RANBP17: variants seen among roughly 807,000 people sequenced by gnomAD.
RANBP17 encodes ran-binding protein 17.
In RANBP17, 158 loss-of-function variants were observed where a neutral mutation model predicts 141.2. That is an observed-to-expected ratio of 1.12 (90% CI 0.98 to 1.28). The LOEUF (loss-of-function observed/expected upper bound fraction) is 1.28. Ranked by LOEUF, RANBP17 falls within the 50% of genes most tolerant of loss-of-function variation. The pLI, the probability that RANBP17 is intolerant of heterozygous loss-of-function variation, is 0.00. For missense variants in RANBP17, 1,438 were observed against 1,290.7 expected, an observed-to-expected ratio of 1.11 and a Z score of -1.75; for synonymous variants, 430 against 450.0, an observed-to-expected ratio of 0.96 and a Z score of 0.56.
At chr5:171,233,210 G>A (rs990908041) in intron 22 of RANBP17, among the ~76,000 whole-genome samples, 9 of 152,042 alleles carry the variant, frequency 5.9e-5, no homozygotes, top group African/African-American at 2.2e-4. Flanking sequence ...GGTAATAAGT[G>A]CTATTAAAAA....
chr5:171,090,395 A>G (rs1483395587), intron 14 of RANBP17, among the ~76,000 whole-genome samples: 1 of 152,248 alleles, frequency 6.6e-6, no homozygotes, highest in African/African-American at 2.4e-5. Context: ...ATTTCTAAAC[A>G]GCAAAGCATT....
chr5:171,050,721 T>A (rs1448127378), intron 14 of RANBP17, among the ~76,000 whole-genome samples: 1 of 152,090 alleles, frequency 6.6e-6, no homozygotes, highest in Non-Finnish European at 1.5e-5. Context: ...GTAATATTGT[T>A]ACATTTATTT....
chr5:171,083,292 G>A lies in RANBP17; in HGVS notation c.1711-86838G>A, dbSNP rs185158612. The stretch of plus-strand genomic sequence containing the variant: ...AGTGGAACCTTCATGAAAGACATAA[G>A]TGCCCTTATAAAAAGATGCCAAAAA... On this transcript the variant is annotated intron_variant, in intron 14 of 27. Coordinates refer to ENST00000523189, the MANE Select transcript of RANBP17 (RefSeq NM_022897.5). 4.3e-4 allele frequency among the ~76,000 whole-genome samples: 65 copies of A among 152,108 alleles called. 1 individual carries two copies. Among genetic ancestry groups the A allele is most frequent in the South Asian group, 3.7e-3 (18 of 4,816 alleles).
intron 5 of RANBP17, among the ~76,000 whole-genome samples, chr5:170,906,228 T>G (rs1771066689): frequency 6.6e-6 from 1 of 152,096 alleles, no homozygotes; most frequent in African/African-American, 2.4e-5. Context: ...AGAACCAGTT[T>G]AGGATTATAT....
intron 14 of RANBP17, among the ~76,000 whole-genome samples, chr5:171,069,767 A>G (rs1221705204): frequency 1.3e-5 from 2 of 152,184 alleles, no homozygotes; most frequent in Non-Finnish European, 2.9e-5. Context: ...TTTTCAACTC[A>G]TGATGGGTTT....
chr5:171,092,204 T>G (rs1482008591), intron 14 of RANBP17, among the ~76,000 whole-genome samples: 2 of 152,196 alleles, frequency 1.3e-5, no homozygotes, highest in East Asian at 1.9e-4. Context: ...AAAATTTCCT[T>G]TCTGAGAATT....
intron 14 of RANBP17, among the ~76,000 whole-genome samples, chr5:171,095,074 T>C (rs1271236618): frequency 6.6e-6 from 1 of 152,212 alleles, no homozygotes; most frequent in Non-Finnish European, 1.5e-5. Flanking sequence ...ACCATATTCT[T>C]GGACTTGCCA....
chr5:171,021,617 A>C (rs1479062123), intron 14 of RANBP17, among the ~76,000 whole-genome samples: 1 of 152,184 alleles, frequency 6.6e-6, no homozygotes, highest in Non-Finnish European at 1.5e-5. Flanking sequence ...ATTCAGCTCC[A>C]TCAGGTCATT....
chr5:171,061,527 C>T (rs1419786264), intron 14 of RANBP17, among the ~76,000 whole-genome samples: 5 of 151,960 alleles, frequency 3.3e-5, no homozygotes, highest in Admixed American at 6.6e-5. Context: ...GTCTGAGAGA[C>T]AGTTTGTTAT....
At chr5:171,187,470 G>A (rs1040860874) in intron 18 of RANBP17, among the ~76,000 whole-genome samples, 4 of 151,560 alleles carry the variant, frequency 2.6e-5, no homozygotes, top group African/African-American at 7.3e-5. Context: ...TGGTATCTGT[G>A]AAGCACAATA....
intron 14 of RANBP17, among the ~76,000 whole-genome samples, chr5:171,090,788 G>A (rs186340900): frequency 2.2e-3 from 342 of 152,340 alleles, no homozygotes; most frequent in African/African-American, 7.5e-3. Flanking sequence ...TGTTGCTTCA[G>A]AGGGTGGAAG....
At chr5:171,225,086 A>T (rs950525339) in intron 22 of RANBP17, among the ~76,000 whole-genome samples, 5 of 152,036 alleles carry the variant, frequency 3.3e-5, no homozygotes, top group African/African-American at 1.2e-4. Flanking sequence ...CACAGAGGTT[A>T]AAAAAAATTG....
At chr5:170,864,315 A>G (rs571692979) in intron 1 of RANBP17, among the ~76,000 whole-genome samples, 25 of 152,138 alleles carry the variant, frequency 1.6e-4, no homozygotes, top group Non-Finnish European at 2.9e-4. Flanking sequence ...AGGTTAGGGT[A>G]GTGGTCAACA....
chr5:171,279,364 A>G (rs961638215), intron 25 of RANBP17, among the ~76,000 whole-genome samples: 14 of 152,180 alleles, frequency 9.2e-5, no homozygotes, highest in African/African-American at 3.4e-4. Flanking sequence ...AGTCTTGGAG[A>G]CTAGGAAACC....
intron 1 of RANBP17, chr5:170,863,554 G>A (rs1766995265): frequency 6.6e-6 from 1 of 152,156 alleles, no homozygotes; most frequent in Non-Finnish European, 1.5e-5. Context: ...TCAAAATAAT[G>A]TATTACCACT....
chr5:171,235,927 T>C (rs911994003), intron 22 of RANBP17, among the ~76,000 whole-genome samples: 3 of 152,228 alleles, frequency 2.0e-5, no homozygotes, highest in Admixed American at 2.0e-4. Context: ...GTCACCAAAT[T>C]GCCTTCTAGA....
chr5:170,932,126 C>T (rs912203328), intron 12 of RANBP17, among the ~76,000 whole-genome samples: 3 of 152,230 alleles, frequency 2.0e-5, no homozygotes, highest in African/African-American at 7.2e-5. Context: ...CCTTCACTTC[C>T]CTTGTAAGTT....
chr5:171,184,499 C>A (rs751455142), intron 18 of RANBP17, among the ~76,000 whole-genome samples: 5 of 147,420 alleles, frequency 3.4e-5, no homozygotes, highest in Non-Finnish European at 6.0e-5. Flanking sequence ...TGATGCTGGT[C>A]AAAAGATACA....
intron 14 of RANBP17, among the ~76,000 whole-genome samples, chr5:171,065,396 C>A (rs1784247726): frequency 1.3e-5 from 2 of 152,102 alleles, no homozygotes; most frequent in African/African-American, 4.8e-5. Flanking sequence ...CAACCTAGAT[C>A]CCTCCCATGC....
Sources: allele counts gnomAD v4.1 joint callset (sites outside exome capture counted in the v4.1 genomes callset), GRCh38; gene constraint gnomAD v4.1.1; transcripts MANE v1.5; gene names NCBI Gene and HGNC (gene_info 2026-07-23, HGNC 2026-07-21).